GAS6: variants seen among roughly 807,000 people sequenced by gnomAD.
GAS6 encodes growth arrest-specific protein 6.
In GAS6, 41 loss-of-function variants were observed where a neutral mutation model predicts 75.8. That is an observed-to-expected ratio of 0.54 (90% CI 0.42 to 0.70). GAS6 has a LOEUF of 0.70. GAS6 is among the 30% of genes least tolerant of loss of function. The pLI is 0.00. For missense variants in GAS6, 854 were observed against 940.2 expected (o/e 0.91, Z 1.20); for synonymous variants, 432 against 412.6 (o/e 1.05, Z -0.57).
At chr13:113,839,652 G>C (rs1437828873) in intron 5 of GAS6, 76 bp downstream of exon 5, 7 of 1,565,756 alleles carry the variant, frequency 4.5e-6, no homozygotes, top group Non-Finnish European at 6.1e-6. Flanking sequence ...GTGCCCCGGA[G>C]TGGGAGTGAG....
rs7996554 is a variant in GAS6 at position 113,854,176 on chromosome 13, G to C, written c.256-6126C>G. 1.2e-3 allele frequency among the ~76,000 whole-genome samples: 189 copies of C among 152,324 alleles called. 1 individual carries two copies. Among genetic ancestry groups the C allele is most frequent in the African/African-American group, 4.3e-3 (179 of 41,580 alleles). On this transcript the variant is annotated intron_variant, in intron 2 of 14. Transcript: ENST00000327773. ...AGCCCTCTTCCTGGGAGCTCATCCT[G>C]GTGTGACTGCCCGGTCAGATGTGGA...
chr13:113,825,923 C>T (rs1383480663), intron 12 of GAS6, among the ~76,000 whole-genome samples: 2 of 152,164 alleles, frequency 1.3e-5, no homozygotes, highest in Non-Finnish European at 2.9e-5. Context: ...TGCTTGAGGG[C>T]CGGCAGCCCT....
At chr13:113,834,375 C>T (rs922288451) in intron 8 of GAS6, among the ~76,000 whole-genome samples, 176 bp downstream of exon 8, 4 of 152,218 alleles carry the variant, frequency 2.6e-5, no homozygotes, top group South Asian at 2.1e-4. Context: ...ATAAATACAA[C>T]CAAACATCTT....
In GAS6 at chr13:113,823,410, C is replaced by T; in HGVS notation, c.1618G>A (p.Val540Ile). Residue 540 changes from valine (V) to isoleucine (I), a missense_variant, in exon 13 of 15, where the codon GTA becomes ATA. Transcript: ENST00000327773. ...AGTTTCTTCGTGGAGTGATAGTCTACCAGTGCCACAGAGAGAGGCACGGCA... is the reference window on the plus strand; with the variant it reads ...AGTTTCTTCGTGGAGTGATAGTCTATCAGTGCCACAGAGAGAGGCACGGCA... ...LRAVPLSVAL[V>I]DYHSTKKLKK... 6.2e-7 allele frequency: 1 copy of T among 1,612,340 alleles called. No individual in the cohort carries two copies. The highest frequency in any genetic ancestry group is 8.5e-7 in the Non-Finnish European group (1 of 1,179,692).
At chr13:113,842,435 T>C (rs1396374498) in intron 4 of GAS6, 2 of 395,210 alleles carry the variant, frequency 5.1e-6, no homozygotes, top group Non-Finnish European at 8.9e-6. Context: ...GGATTCTGCA[T>C]CAGCACAGCC....
intron 2 of GAS6, among the ~76,000 whole-genome samples, chr13:113,855,990 G>A (rs59774683): frequency 0.095 from 14,492 of 152,242 alleles, 915 homozygotes; most frequent in East Asian, 0.17. Context: ...TGCCTTCCGT[G>A]TTGTGAGGAC....
chr13:113,862,323 C>G (rs1051733394), intron 2 of GAS6, among the ~76,000 whole-genome samples: 5 of 152,218 alleles, frequency 3.3e-5, no homozygotes, highest in Admixed American at 3.3e-4. Flanking sequence ...GCCACAGTCC[C>G]TGTGCACGCA....
rs376372325 is a variant in GAS6 at position 113,846,623 on chromosome 13, C to T, written c.281-34G>A. ...AGAAAGGGAATGGATGTCAGTCATC[C>T]TTACAAGACCGGATGGACTGCAGAG... On this transcript the variant is annotated intron_variant, in intron 3 of 14. Transcript: ENST00000327773. 2.4e-5 allele frequency: 38 copies of T among 1,579,086 alleles called. No homozygotes were observed. In the African/African-American group the frequency reaches 4.4e-4, roughly 18 times the overall value.
At chr13:113,833,823 G>A (rs1353279178) in intron 8 of GAS6, 1 of 1,026,042 alleles carries the variant, frequency 9.7e-7, no homozygotes, top group Non-Finnish European at 1.2e-6. Flanking sequence ...AGGCACCGGT[G>A]TGACAGGTCA....
rs977470272 is a variant in GAS6 at position 113,828,474 on chromosome 13, C to A, written c.1308+73G>T. 6.7e-6 allele frequency: 10 copies of A among 1,502,532 alleles called. No homozygotes were observed. The African/African-American group carries it at 8.3e-5, about 12-fold the overall frequency. 93.1% of individuals were successfully genotyped at this position (1,502,532 alleles called of 1,614,324 possible). A position where few individuals can be genotyped will look rare whatever the true frequency, so the allele number is the denominator to read the frequency against. On this transcript the variant is annotated intron_variant, in intron 11 of 14. Transcript: ENST00000327773. ...ATGGTAAACACAGGGCAGGGTGTGA[C>A]TGAGGCTTCCTGACACCGTTCCCGG...
At chr13:113,843,778 T>C (rs1466415367) in intron 4 of GAS6, 1 of 151,002 alleles carries the variant, frequency 6.6e-6, no homozygotes, top group Non-Finnish European at 1.5e-5. Context: ...GGGGCCTGCT[T>C]GTCTGGGGCT....
chr13:113,842,372 A>G (rs1237169930), intron 4 of GAS6: 4 of 390,996 alleles, frequency 1.0e-5, no homozygotes, highest in African/African-American at 6.4e-5. Context: ...TCTGAAGCAC[A>G]CAGGGGCTGG....
chr13:113,859,640 A>G (rs549070275), intron 2 of GAS6, among the ~76,000 whole-genome samples: 1 of 152,154 alleles, frequency 6.6e-6, no homozygotes, highest in African/African-American at 2.4e-5. Flanking sequence ...ATCTGTGTCT[A>G]TGGGAACATA....
intron 5 of GAS6, chr13:113,839,471 TC>T (rs544344857): frequency 9.7e-5 from 42 of 434,244 alleles, no homozygotes; most frequent in East Asian, 1.2e-4. Flanking sequence ...AGGTGAAATT[TC>T]CCCCCCCGCC....
rs962786684 is a variant in GAS6, at chr13:113,848,992, G to A, written c.256-942C>T. 1.2e-4 allele frequency among the ~76,000 whole-genome samples: 18 copies of A among 152,262 alleles called. No individual in the cohort carries two copies. Among genetic ancestry groups the A allele is most frequent in the African/African-American group, 3.4e-4 (14 of 41,540 alleles). ...AGGTACCCAGCGCCGTCTGCAACGCGCCTCTGGCTTCATGCGCTGGCTCTG... is the reference window on the plus strand; with the variant it reads ...AGGTACCCAGCGCCGTCTGCAACGCACCTCTGGCTTCATGCGCTGGCTCTG... On this transcript the variant is annotated intron_variant, in intron 2 of 14. Transcript: ENST00000327773. This position sits in a 1 kb window ranked among gnomAD's most constrained non-coding sequence, Gnocchi z 4.8.
At chr13:113,838,241 G>A (rs1394900288) in intron 5 of GAS6, 50 bp from the exon 6 acceptor site, 4 of 1,600,604 alleles carry the variant, frequency 2.5e-6, no homozygotes, top group Non-Finnish European at 3.4e-6. Context: ...CACAGCCCCT[G>A]GCTACGGTAG....
chr13:113,851,150 TA>T (rs2051870900), intron 2 of GAS6, among the ~76,000 whole-genome samples: 1 of 149,618 alleles, frequency 6.7e-6, no homozygotes, highest in Admixed American at 6.6e-5. Context: ...GATGGATGGA[TA>T]AATGAATGAG....
chr13:113,827,418 G>A (rs542948228), intron 11 of GAS6, among the ~76,000 whole-genome samples: 7 of 152,370 alleles, frequency 4.6e-5, no homozygotes, highest in Admixed American at 2.6e-4. Flanking sequence ...GGACTGAAAA[G>A]GCCATGTGGG....
intron 2 of GAS6, among the ~76,000 whole-genome samples, chr13:113,850,824 TGATA>T (rs896841660): frequency 4.8e-5 from 7 of 146,520 alleles, no homozygotes; most frequent in South Asian, 2.2e-4. Context: ...ACAGATGGAT[TGATA>T]GATGGATAGA....
Sources: gnomAD v4.1 joint callset for allele counts (sites outside exome capture counted in the v4.1 genomes callset) on GRCh38, gnomAD v4.1.1 for gene constraint, Gnocchi (gnomAD v3.1) non-coding constraint, MANE v1.5 for transcripts, NCBI Gene and HGNC (gene_info 2026-07-23, HGNC 2026-07-21) for gene names.